ZNRF1: variants seen among roughly 807,000 people sequenced by gnomAD.
ZNRF1 encodes the protein E3 ubiquitin-protein ligase ZNRF1.
ZNRF1 carries 3 observed loss-of-function variants against 18.4 expected under a neutral mutation model. The ratio of observed to expected loss-of-function variants is 0.16; its 90% CI spans 0.07 to 0.42. The LOEUF is 0.42. ZNRF1 is among the 10% of genes least tolerant of loss of function. The pLI is 0.99. For missense variants in ZNRF1, 310 were observed against 329.8 expected (o/e 0.94, Z 0.47); for synonymous variants, 157 against 144.2 (o/e 1.09, Z -0.64).
rs140992456 is a variant in ZNRF1 at position 75,025,852 on chromosome 16, C to G, written c.424+25757C>G. Among the ~76,000 whole-genome samples, 182 of 146,848 alleles carry G rather than the reference C, an allele frequency of 1.2e-3. 2 individuals carry two copies. Among genetic ancestry groups the G allele is most frequent in the African/African-American group, 4.3e-3 (173 of 40,414 alleles). On this transcript the variant is annotated intron_variant, in intron 1 of 4. Transcript: ENST00000335325. Reference sequence around the variant, plus strand: ...TTTATCTTGGATCGACATCTGAGAGCTCTAAAAGAAAACACCAGGCAGTGG... The same window carrying G: ...TTTATCTTGGATCGACATCTGAGAGGTCTAAAAGAAAACACCAGGCAGTGG...
chr16:75,015,446 A>G (rs1205368438), intron 1 of ZNRF1, among the ~76,000 whole-genome samples: 1 of 152,188 alleles, frequency 6.6e-6, no homozygotes, highest in African/African-American at 2.4e-5. Context: ...GTGGTGGCAC[A>G]TGCTTGTAAT....
At chr16:75,074,369 C>T (rs977238453) in intron 1 of ZNRF1, among the ~76,000 whole-genome samples, 1 of 152,124 alleles carries the variant, frequency 6.6e-6, no homozygotes, top group Non-Finnish European at 1.5e-5. Context: ...TCCAACAGCC[C>T]CTTGAGAGGA....
intron 1 of ZNRF1, among the ~76,000 whole-genome samples, chr16:75,045,859 G>A (rs1169952881): frequency 6.6e-6 from 1 of 151,656 alleles, no homozygotes; most frequent in East Asian, 1.9e-4. Context: ...GGCACTACAG[G>A]CCACTGTGTC....
chr16:75,023,113 T>G (rs1399915026), intron 1 of ZNRF1, among the ~76,000 whole-genome samples: 6 of 152,198 alleles, frequency 3.9e-5, no homozygotes, highest in Non-Finnish European at 7.3e-5. Context: ...AATCTGAGAC[T>G]AGAGAGGATG....
chr16:75,030,412 T>G (rs1302141353), intron 1 of ZNRF1, among the ~76,000 whole-genome samples: 1 of 151,920 alleles, frequency 6.6e-6, no homozygotes, highest in Non-Finnish European at 1.5e-5. Flanking sequence ...AACTAAAACT[T>G]TGATCTGCAG....
At chr16:75,089,102 C>T (rs2036106985) in intron 1 of ZNRF1, among the ~76,000 whole-genome samples, 1 of 152,074 alleles carries the variant, frequency 6.6e-6, no homozygotes. Context: ...CACCAACTTA[C>T]TCATTTTTGT....
rs564645325 is a variant in ZNRF1, at chr16:75,081,030, G to A, written c.425-12542G>A. ...TCTATTAAAAATACAAAAATTAGCC[G>A]GGCGTGGTGGTGCGCGCCTGTAGTT... On this transcript the variant is annotated intron_variant, in intron 1 of 4. Transcript: ENST00000335325. Among the ~76,000 whole-genome samples the A allele has an allele frequency of 1.8e-3, 273 of 152,168 alleles. 1 individual carries two copies. Among genetic ancestry groups the A allele is most frequent in the Non-Finnish European group, 3.4e-3 (233 of 67,996 alleles).
At chr16:75,027,487 C>G (rs889436552) in intron 1 of ZNRF1, among the ~76,000 whole-genome samples, 6 of 152,144 alleles carry the variant, frequency 3.9e-5, no homozygotes, top group Admixed American at 3.3e-4. Flanking sequence ...CTCCATTTAT[C>G]TGCTGTTTAT....
chr16:75,044,269 G>T (rs1013226387), intron 1 of ZNRF1, among the ~76,000 whole-genome samples: 4 of 152,026 alleles, frequency 2.6e-5, no homozygotes, highest in Non-Finnish European at 5.9e-5. Context: ...TCTCTCTGTT[G>T]CCCAGGCTAG....
rs548496496 is a variant in ZNRF1, at chr16:75,103,686, T to C, written c.521-1098T>C. 2.6e-5 allele frequency among the ~76,000 whole-genome samples: 4 copies of C among 152,244 alleles called. No individual in the cohort carries two copies. In the South Asian group the frequency reaches 8.3e-4, roughly 32 times the overall value. On this transcript the variant is annotated intron_variant, in intron 2 of 4. Coordinates refer to ENST00000335325, the MANE Select transcript of ZNRF1 (RefSeq NM_032268.5). ...AGTCTTACCACAATAAAATAAAGTT[T>C]TTAAAAGGGGAAAAAACGGGTCAGG...
At chr16:75,056,553 C>G (rs2035670393) in intron 1 of ZNRF1, among the ~76,000 whole-genome samples, 1 of 152,088 alleles carries the variant, frequency 6.6e-6, no homozygotes, top group Admixed American at 6.5e-5. Flanking sequence ...GATACAGATA[C>G]TGAAGTTCAC....
chr16:75,044,238 T>G (rs1288563681), intron 1 of ZNRF1, among the ~76,000 whole-genome samples: 1 of 152,178 alleles, frequency 6.6e-6, no homozygotes, highest in African/African-American at 2.4e-5. Context: ...TAAAATTTAT[T>G]TTATTTTTTG....
At chr16:75,028,703 C>T (rs889092291) in intron 1 of ZNRF1, among the ~76,000 whole-genome samples, 4 of 152,242 alleles carry the variant, frequency 2.6e-5, no homozygotes, top group African/African-American at 7.2e-5. Context: ...TGTTTGCCCT[C>T]ATCACTCAAT....
Position 75,000,035 on chromosome 16 carries a change from G to A in ZNRF1, c.364G>A (p.Ala122Thr). 1.3e-6 allele frequency: 2 copies of A among 1,597,710 alleles called. No individual in the cohort carries two copies. The highest frequency in any genetic ancestry group is 1.3e-5 in the African/African-American group (1 of 74,956). Residue 122 changes from alanine to threonine, a missense_variant, in exon 1 of 5, where the codon GCC becomes ACC. By Grantham distance (58) the Ala-to-Thr change is moderately conservative. Coordinates refer to ENST00000335325, the MANE Select transcript of ZNRF1 (RefSeq NM_032268.5). The part of the protein sequence containing the change: ...RDGMLYLGSR[A>T]SLADALPLHI... ...CGGGATGCTGTACCTGGGCTCCCGAGCCTCGCTGGCGGATGCTCTACCTCT... is the reference window on the plus strand; with the variant it reads ...CGGGATGCTGTACCTGGGCTCCCGAACCTCGCTGGCGGATGCTCTACCTCT...
chr16:75,105,273 T>C (rs2036301977), intron 3 of ZNRF1: 1 of 206,930 alleles, frequency 4.8e-6, no homozygotes, highest in Non-Finnish European at 1.0e-5. Context: ...CATCAATCTG[T>C]GCGAGGAAGG....
chr16:75,001,470 C>G lies in ZNRF1; in HGVS notation c.424+1375C>G, dbSNP rs2034848599. The stretch of plus-strand genomic sequence containing the variant: ...ACCTCCGGATATCATTGGAGCTTTT[C>G]TGACCTCATGGAACTCTGCCCTGAG... On this transcript the variant is annotated intron_variant, in intron 1 of 4. Transcript: ENST00000335325. 2.0e-5 allele frequency among the ~76,000 whole-genome samples: 3 copies of G among 152,200 alleles called. No individual in the cohort carries two copies. In the South Asian group the frequency reaches 6.2e-4, roughly 31 times the overall value.
At chr16:75,051,409 A>T (rs897564595) in intron 1 of ZNRF1, among the ~76,000 whole-genome samples, 1 of 151,528 alleles carries the variant, frequency 6.6e-6, no homozygotes, top group Non-Finnish European at 1.5e-5. Flanking sequence ...GGGTTTCCTC[A>T]TGGTGGCCAG....
chr16:75,104,829 A>G lies in ZNRF1; in HGVS notation c.566A>G (p.Glu189Gly). ...GCGGGTGAGTGTGTGATCTGCCTGG[A>G]GGAGCTGCTGCAGGGGGACACGATA... ...KDAGECVICL[E>G]ELLQGDTIAR... The change falls in exon 3 of 5, where the codon GAG (glutamate) becomes GGG (glycine). Residue 189 changes from glutamate to glycine, a missense_variant. Coordinates refer to ENST00000335325, the MANE Select transcript of ZNRF1 (RefSeq NM_032268.5). 1.2e-6 allele frequency: 2 copies of G among 1,611,138 alleles called. No individual in the cohort carries two copies. The highest frequency in any genetic ancestry group is 8.5e-7 in the Non-Finnish European group (1 of 1,179,140).
chr16:75,023,404 C>T (rs1224043260), intron 1 of ZNRF1, among the ~76,000 whole-genome samples: 2 of 152,350 alleles, frequency 1.3e-5, no homozygotes, highest in Non-Finnish European at 2.9e-5. Flanking sequence ...TCACACCAGG[C>T]CGGACGCAGT....
Sources: gnomAD v4.1 joint callset for allele counts (sites outside exome capture counted in the v4.1 genomes callset) on GRCh38, gnomAD v4.1.1 for gene constraint, MANE v1.5 for transcripts, NCBI Gene and HGNC (gene_info 2026-07-23, HGNC 2026-07-21) for gene names.